Variants in ADGRL2 observed in about 807,000 individuals in gnomAD.
ADGRL2 encodes the protein calcium-independent alpha-latrotoxin receptor 2.
ADGRL2 carries 44 observed loss-of-function variants against 157.4 expected under a neutral mutation model. The ratio of observed to expected loss-of-function variants is 0.28; its 90% CI spans 0.22 to 0.36. ADGRL2 has a LOEUF of 0.36. ADGRL2 is among the 10% of genes least tolerant of loss of function. The probability of loss-of-function intolerance (pLI) is 1.00; values close to 1 mark genes in which losing one functional copy is unlikely to be tolerated. For missense variants in ADGRL2, 1,510 were observed against 1,768.9 expected (o/e 0.85, Z 2.63); for synonymous variants, 585 against 624.7 (o/e 0.94, Z 0.95).
intron 2 of ADGRL2, chr1:81,580,786 C>T (rs187065558): frequency 6.6e-6 from 1 of 151,476 alleles, no homozygotes; most frequent in African/African-American, 2.4e-5. Context: ...TGATTACATG[C>T]CAGTATAATA....
At chr1:81,721,100 A>C (rs940885095) in intron 1 of ADGRL2, among the ~76,000 whole-genome samples, 2 of 148,576 alleles carry the variant, frequency 1.3e-5, no homozygotes, top group African/African-American at 2.5e-5. Flanking sequence ...TCGATCTCCT[A>C]GACACAAGCG....
At chr1:81,624,796 G>A (rs1344429123) in intron 3 of ADGRL2, among the ~76,000 whole-genome samples, 1 of 152,108 alleles carries the variant, frequency 6.6e-6, no homozygotes, top group African/African-American at 2.4e-5. Flanking sequence ...GTGAAGTATG[G>A]CAACCCCCCA....
chr1:81,623,789 A>C (rs559825432), intron 3 of ADGRL2, among the ~76,000 whole-genome samples: 1 of 151,958 alleles, frequency 6.6e-6, no homozygotes, highest in Non-Finnish European at 1.5e-5. Context: ...GGCGTGCGCC[A>C]CCACAGCTGG....
At chr1:81,918,611 A>G (rs1396466137) in intron 3 of ADGRL2, among the ~76,000 whole-genome samples, 2 of 152,168 alleles carry the variant, frequency 1.3e-5, no homozygotes, top group Non-Finnish European at 2.9e-5. Flanking sequence ...AGGCTGGAGC[A>G]GTGTAGCAAG....
At chr1:81,366,554 C>T (rs1180435935) in intron 1 of ADGRL2, among the ~76,000 whole-genome samples, 1 of 152,132 alleles carries the variant, frequency 6.6e-6, no homozygotes, top group Non-Finnish European at 1.5e-5. Context: ...GGATCATATA[C>T]TCCTTAATAT....
At chr1:81,984,862 T>G (rs1408861483) in intron 20 of ADGRL2, 151 bp downstream of exon 20, 5 of 835,002 alleles carry the variant, frequency 6.0e-6, no homozygotes, top group Non-Finnish European at 7.3e-6. Flanking sequence ...CAATGTCTTC[T>G]TAAACATTTC....
chr1:81,601,058 G>A (rs531577942), intron 3 of ADGRL2, among the ~76,000 whole-genome samples: 1 of 152,292 alleles, frequency 6.6e-6, no homozygotes, highest in East Asian at 1.9e-4. Flanking sequence ...TCATTGGTGA[G>A]AGGAGGGCAT....
At chr1:81,598,040 C>A (rs2081269202) in intron 3 of ADGRL2, among the ~76,000 whole-genome samples, 1 of 152,158 alleles carries the variant, frequency 6.6e-6, no homozygotes, top group Non-Finnish European at 1.5e-5. Context: ...TTGAAGTCTG[C>A]CTCCAGAGGT....
intron 1 of ADGRL2, among the ~76,000 whole-genome samples, chr1:81,820,735 T>A (rs575553549): frequency 0.016 from 650 of 41,376 alleles, 13 homozygotes; most frequent in East Asian, 0.089. Context: ...CCTGTCTGTC[T>A]GAAAAAAAAA....
At chr1:81,828,490 T>G (rs74095936) in intron 1 of ADGRL2, among the ~76,000 whole-genome samples, 7,843 of 152,228 alleles carry the variant, frequency 0.052, 645 homozygotes, top group African/African-American at 0.18. Flanking sequence ...TTTTCTGAAT[T>G]GAAACATTTT....
chr1:81,511,398 G>GCGCA (rs1404870170), intron 2 of ADGRL2, among the ~76,000 whole-genome samples: 1 of 101,812 alleles, frequency 9.8e-6, no homozygotes, highest in Non-Finnish European at 1.9e-5. Flanking sequence ...AAAAAAAAGC[G>GCGCA]CGCACACACA....
rs540492268 is a variant in ADGRL2, at chr1:81,872,511, C to T, written c.74-34506C>T. On this transcript the variant is annotated intron_variant, in intron 2 of 23. Coordinates refer to ENST00000686636, the MANE Select transcript of ADGRL2 (RefSeq NM_001366006.2). The stretch of plus-strand genomic sequence containing the variant: ...AGTTCACATATTTCAACAGGTGATA[C>T]CTCATTTCTCATTGATTTTAGGTAT... Among the ~76,000 whole-genome samples the T allele has an allele frequency of 3.9e-5, 6 of 152,010 alleles. No homozygotes were observed. The South Asian group carries it at 8.3e-4, about 21-fold the overall frequency.
At chr1:81,893,738 T>G (rs2094321580) in intron 2 of ADGRL2, among the ~76,000 whole-genome samples, 1 of 152,216 alleles carries the variant, frequency 6.6e-6, no homozygotes, top group South Asian at 2.1e-4. Context: ...ATTTTAACTC[T>G]GCAGAAAAGT....
chr1:81,661,419 A>G (rs538194780), intron 3 of ADGRL2, among the ~76,000 whole-genome samples: 129 of 152,312 alleles, frequency 8.5e-4, no homozygotes, highest in African/African-American at 2.9e-3. Flanking sequence ...TAGATTATCA[A>G]AGCTTATAGA....
rs547512018 is a variant in ADGRL2, at chr1:81,673,577, C to T, written c.-142-88234C>T. Among the ~76,000 whole-genome samples the T allele has an allele frequency of 9.7e-5, 14 of 144,546 alleles. No individual in the cohort carries two copies. The East Asian group carries it at 1.8e-3, about 19-fold the overall frequency. 94.8% of individuals were successfully genotyped at this position (144,546 alleles called of 152,430 possible). A position where few individuals can be genotyped will look rare whatever the true frequency, so the allele number is the denominator to read the frequency against. ...TCGCCCAGACTGGAGTGCAGTGGCG[C>T]GATCTCGGCTCACTGCAAGCTCTGC... On this transcript the variant is annotated intron_variant, in intron 3 of 24. Coordinates refer to the ADGRL2 transcript ENST00000370721.
intron 2 of ADGRL2, among the ~76,000 whole-genome samples, chr1:81,463,114 CAAAAAAAAAA>C (rs56920139): frequency 3.2e-5 from 3 of 93,746 alleles, no homozygotes; most frequent in East Asian, 6.8e-4. Flanking sequence ...GACCATGTCT[CAAAAAAAAAA>C]AAAAAAAAAA....
chr1:81,803,984 T>C (rs2088728250), intron 1 of ADGRL2, among the ~76,000 whole-genome samples: 1 of 152,180 alleles, frequency 6.6e-6, no homozygotes, highest in Non-Finnish European at 1.5e-5. Flanking sequence ...TCTTGCTAAG[T>C]CAGGTTTGAT....
intron 2 of ADGRL2, among the ~76,000 whole-genome samples, chr1:81,785,461 C>T (rs2086998026): frequency 6.6e-6 from 1 of 152,006 alleles, no homozygotes; most frequent in South Asian, 2.1e-4. Flanking sequence ...GGTGTGATGA[C>T]CCACACCTGT....
Position 81,956,077 on chromosome 1 carries a change from T to C in ADGRL2, c.2017+17T>C, listed in dbSNP as rs780045873. Reference sequence around the variant, plus strand: ...AAAATATTGGTAAGTGAATCTACTGTCAAGTTTAATTTTGATTTAGGATAT... The same window carrying C: ...AAAATATTGGTAAGTGAATCTACTGCCAAGTTTAATTTTGATTTAGGATAT... On this transcript the variant is annotated intron_variant, in intron 11 of 23. Transcript: ENST00000686636. 2 of 1,556,064 alleles carry C rather than the reference T, an allele frequency of 1.3e-6. No individual in the cohort carries two copies. Among genetic ancestry groups the C allele is most frequent in the Admixed American group, 3.9e-5 (2 of 50,804 alleles).
Sources: gnomAD v4.1 joint callset for allele counts (sites outside exome capture counted in the v4.1 genomes callset) on GRCh38, gnomAD v4.1.1 for gene constraint, MANE v1.5 for transcripts, NCBI Gene and HGNC (gene_info 2026-07-23, HGNC 2026-07-21) for gene names.